Variants in MALRD1 observed in about 807,000 individuals in gnomAD.
MALRD1 encodes the protein MAM and LDL receptor class A domain containing 1, also known as MAM and LDL-receptor class A domain-containing protein 1.
In MALRD1, 247 loss-of-function variants were observed where a neutral mutation model predicts 242.1. The ratio of observed to expected loss-of-function variants is 1.02; its 90% CI spans 0.92 to 1.13. The LOEUF is 1.13. Among genes scored for constraint, MALRD1 ranks in the 50% most tolerant of loss-of-function variants. The pLI, the probability that MALRD1 is intolerant of heterozygous loss-of-function variation, is 0.00. For missense variants in MALRD1, 2,989 were observed against 2,533.1 expected, an observed-to-expected ratio of 1.18 and a Z score of -3.86; for synonymous variants, 995 against 866.6, an observed-to-expected ratio of 1.15 and a Z score of -2.60.
rs147219149 is a variant in MALRD1 at position 19,066,147 on chromosome 10, A to T, written c.200-572A>T. Among the ~76,000 whole-genome samples the T allele has an allele frequency of 1.7e-4, 26 of 152,334 alleles. No individual in the cohort carries two copies. In the South Asian group the frequency reaches 2.7e-3, roughly 16 times the overall value. On this transcript the variant is annotated intron_variant, in intron 1 of 39. Transcript: ENST00000454679. ...CTTTAGACAATTTACAATACCTCAG[A>T]CAATGTAAATATTAATACTGTGTAA...
chr10:19,383,256 G>T (rs550539566), intron 26 of MALRD1, among the ~76,000 whole-genome samples: 1 of 151,940 alleles, frequency 6.6e-6, no homozygotes, highest in South Asian at 2.1e-4. Flanking sequence ...CTTAGTGTCC[G>T]TATGTCCTCA....
chr10:19,155,000 T>G (rs1834087385), intron 11 of MALRD1, 75 bp from the exon 12 acceptor site: 1 of 774,328 alleles, frequency 1.3e-6, no homozygotes, highest in African/African-American at 1.8e-5. Context: ...TGTGCAAGGA[T>G]AAGATTGTGG....
chr10:19,304,136 A>G (rs569148228), intron 21 of MALRD1, among the ~76,000 whole-genome samples: 1 of 151,836 alleles, frequency 6.6e-6, no homozygotes, highest in South Asian at 2.1e-4. Context: ...GCACCATTCA[A>G]TTCGTTGAGG....
rs10548629 is a variant in MALRD1 at position 19,566,298 on chromosome 10, ATTT to A, written c.5479-1181_5479-1179del. On this transcript the variant is annotated intron_variant, in intron 32 of 39. Coordinates refer to ENST00000454679, the MANE Select transcript of MALRD1 (RefSeq NM_001142308.3). ...GGGCACCTGCCACCATGCCTGGCTA[ATTT>A]TTTTTTTTTTTTTTTTTTTTTTGTA... 4.9e-3 allele frequency among the ~76,000 whole-genome samples: 544 copies of A among 111,062 alleles called. 3 individuals carry two copies. The highest frequency in any genetic ancestry group is 0.021 in the South Asian group (66 of 3,168). The allele number at this position is 111,062 out of a possible 152,430, so 72.9% of individuals were successfully genotyped here.
At chr10:19,296,612 A>G (rs1841714340) in intron 21 of MALRD1, among the ~76,000 whole-genome samples, 1 of 152,118 alleles carries the variant, frequency 6.6e-6, no homozygotes, top group Admixed American at 6.6e-5. Flanking sequence ...CTTACTATAA[A>G]GAACTGCACT....
chr10:19,118,227 C>T (rs975242487), intron 5 of MALRD1, among the ~76,000 whole-genome samples: 10 of 152,124 alleles, frequency 6.6e-5, no homozygotes, highest in African/African-American at 2.4e-4. Flanking sequence ...CAAAAAGAGT[C>T]AAGCTCTGTA....
At chr10:19,423,209 G>T (rs1035788135) in intron 28 of MALRD1, among the ~76,000 whole-genome samples, 9 of 152,038 alleles carry the variant, frequency 5.9e-5, no homozygotes, top group African/African-American at 2.2e-4. Flanking sequence ...CCAACAAACA[G>T]ATCTAGGATA....
At chr10:19,360,810 G>C (rs1415494536) in intron 26 of MALRD1, among the ~76,000 whole-genome samples, 2 of 151,972 alleles carry the variant, frequency 1.3e-5, no homozygotes, top group Admixed American at 6.6e-5. Flanking sequence ...TGATTTAGTA[G>C]AAAATAGTAA....
chr10:19,270,807 A>AACACACACACAC lies in MALRD1; in HGVS notation c.3080-9215_3080-9204dup, dbSNP rs71387059. Reference sequence around the variant, plus strand: ...AGGGTTAAGATGGCATTCAAAGGATAACACACACACACACACACACACACA... The same window carrying AACACACACACAC: ...AGGGTTAAGATGGCATTCAAAGGATAACACACACACACACACACACACACACACACACACACA... On this transcript the variant is annotated intron_variant, in intron 19 of 39. Coordinates refer to ENST00000454679, the MANE Select transcript of MALRD1 (RefSeq NM_001142308.3). Among the ~76,000 whole-genome samples, 265 of 145,132 alleles carry AACACACACACAC rather than the reference A, an allele frequency of 1.8e-3. 3 individuals are homozygous for AACACACACACAC. The highest frequency in any genetic ancestry group is 4.0e-3 in the East Asian group (19 of 4,750).
intron 19 of MALRD1, among the ~76,000 whole-genome samples, chr10:19,262,219 T>C (rs1478201819): frequency 2.0e-5 from 3 of 152,112 alleles, no homozygotes; most frequent in Non-Finnish European, 4.4e-5. Context: ...TAAGATATAA[T>C]TGGCAAAATG....
intron 32 of MALRD1, among the ~76,000 whole-genome samples, chr10:19,566,349 C>G (rs1387657261): frequency 7.0e-6 from 1 of 141,860 alleles, no homozygotes; most frequent in Non-Finnish European, 1.5e-5. Context: ...ACGTGTTAGC[C>G]AGGATGGTCT....
At chr10:19,629,889 GC>G (rs1208315273) in intron 36 of MALRD1, among the ~76,000 whole-genome samples, 1 of 152,180 alleles carries the variant, frequency 6.6e-6, no homozygotes, top group Non-Finnish European at 1.5e-5. Flanking sequence ...CAGAGTAGAA[GC>G]TTTTGTGCTG....
intron 38 of MALRD1, among the ~76,000 whole-genome samples, chr10:19,718,085 T>TAGA (rs202192875): frequency 5.7e-5 from 6 of 105,676 alleles, no homozygotes; most frequent in Admixed American, 3.1e-4. Context: ...GAGGAATAAG[T>TAGA]AGAAGAAGAA....
At chr10:19,635,614 T>C (rs1030186409) in intron 36 of MALRD1, among the ~76,000 whole-genome samples, 1 of 152,114 alleles carries the variant, frequency 6.6e-6, no homozygotes, top group African/African-American at 2.4e-5. Context: ...ATATGTGATA[T>C]ATGGATGAAT....
intron 18 of MALRD1, among the ~76,000 whole-genome samples, chr10:19,256,674 G>C (rs1839528292): frequency 6.6e-6 from 1 of 152,062 alleles, no homozygotes; most frequent in African/African-American, 2.4e-5. Flanking sequence ...AGGGTAGAAA[G>C]TTGGAGAAAA....
At chr10:19,163,774 C>T (rs1399880095) in intron 12 of MALRD1, among the ~76,000 whole-genome samples, 1 of 152,122 alleles carries the variant, frequency 6.6e-6, no homozygotes, top group Non-Finnish European at 1.5e-5. Context: ...TATTTAATAA[C>T]TTAAGAATTT....
intron 18 of MALRD1, among the ~76,000 whole-genome samples, chr10:19,234,370 C>T (rs1838208910): frequency 6.6e-6 from 1 of 151,114 alleles, no homozygotes; most frequent in South Asian, 2.1e-4. Flanking sequence ...TTTTTGAGCC[C>T]CTAAAAAACA....
At chr10:19,137,429 C>T (rs1007979929) in intron 10 of MALRD1, among the ~76,000 whole-genome samples, 1 of 151,682 alleles carries the variant, frequency 6.6e-6, no homozygotes, top group South Asian at 2.1e-4. Context: ...CATAGTGAAA[C>T]CCCCGTCTCT....
chr10:19,165,595 G>A, intron 12 of MALRD1, 42 bp from the exon 13 acceptor site: 1 of 1,205,518 alleles, frequency 8.3e-7, no homozygotes, highest in Non-Finnish European at 1.0e-6. Context: ...CCAGAGACAG[G>A]TCAATGGAAT....
Sources: allele counts gnomAD v4.1 joint callset (sites outside exome capture counted in the v4.1 genomes callset), GRCh38; gene constraint gnomAD v4.1.1; transcripts MANE v1.5; gene names NCBI Gene and HGNC (gene_info 2026-07-23, HGNC 2026-07-21).